The following TSPAN8 variants were observed in gnomAD, a reference collection of about 807,000 sequenced individuals.
The protein encoded by TSPAN8 is tetraspanin 8, also known as tetraspanin-8.
TSPAN8 carries 21 observed loss-of-function variants against 32.8 expected under a neutral mutation model. That is an observed-to-expected ratio of 0.64 (90% CI 0.45 to 0.92). The LOEUF is 0.92. Among genes scored for constraint, TSPAN8 ranks in the 40% least tolerant of loss-of-function variants. TSPAN8 has a pLI of 0.00. For synonymous variants in TSPAN8, 95 were observed against 94.6 expected (o/e 1.00, Z -0.03); for missense variants, 269 against 281.9 (o/e 0.95, Z 0.33).
At chr12:71,146,233 A>T (rs1453360357) in intron 2 of TSPAN8, among the ~76,000 whole-genome samples, 1 of 152,148 alleles carries the variant, frequency 6.6e-6, no homozygotes, top group Admixed American at 6.5e-5. Context: ...TATCATTTCC[A>T]CCCCTAACTC....
In TSPAN8 at chr12:71,144,205, A is replaced by G. The variant is rs747948153; in HGVS notation, c.69T>C (p.Gly23=). ...ATATTGCTAATGCTAGGATCAAGAT[A>G]CCACATAGCTGCAGAAAAAAACAAA... ...FTFNFLFWLC[G]ILILALAIWV... Residue 23 remains glycine, a synonymous_variant, in exon 3 of 9, where the codon GGT becomes GGC. Coordinates refer to ENST00000247829, the MANE Select transcript of TSPAN8 (RefSeq NM_004616.3). 6.2e-7 allele frequency: 1 copy of G among 1,611,240 alleles called. No individual in the cohort carries two copies. Among genetic ancestry groups the G allele is most frequent in the Non-Finnish European group, 8.5e-7 (1 of 1,179,264 alleles).
chr12:71,129,416 T>C lies in TSPAN8; in HGVS notation c.577-2A>G, dbSNP rs772915597. The C allele has an allele frequency of 3.9e-6, 6 of 1,544,076 alleles. No homozygotes were observed. In the African/African-American group the frequency reaches 8.8e-5, roughly 23 times the overall value. On this transcript the variant is annotated splice_acceptor_variant, in intron 7 of 8. Transcript: ENST00000247829. LOFTEE classifies it high-confidence loss of function. ...GTCTTTTATGAAAGAAATACAGGTC[T>C]GTTAAAAAAAAAAAACATTAAAAGT...
intron 2 of TSPAN8, among the ~76,000 whole-genome samples, chr12:71,146,569 A>C (rs1054958662): frequency 1.3e-5 from 2 of 152,218 alleles, no homozygotes; most frequent in Non-Finnish European, 2.9e-5. Context: ...ATTAATAAAT[A>C]AATGCCTGCT....
At chr12:71,127,890 CTTATA>C (rs1660422933) in intron 8 of TSPAN8, among the ~76,000 whole-genome samples, 1 of 152,134 alleles carries the variant, frequency 6.6e-6, no homozygotes, top group African/African-American at 2.4e-5. Flanking sequence ...AAATATAACT[CTTATA>C]TTAAATATCT....
At chr12:71,126,364 T>C (rs988199827) in intron 8 of TSPAN8, among the ~76,000 whole-genome samples, 5 of 152,234 alleles carry the variant, frequency 3.3e-5, no homozygotes, top group African/African-American at 1.2e-4. Context: ...TTTAGTCTTT[T>C]TGTCTTGATC....
chr12:71,147,703 C>A (rs936886787), intron 2 of TSPAN8, among the ~76,000 whole-genome samples: 1 of 152,156 alleles, frequency 6.6e-6, no homozygotes, highest in African/African-American at 2.4e-5. Context: ...TAAGAGAATG[C>A]AGACTGTAGG....
At chr12:71,144,286 T>A (rs952720534) in intron 2 of TSPAN8, 73 bp from the exon 3 acceptor site, 1 of 1,375,738 alleles carries the variant, frequency 7.3e-7, no homozygotes, top group African/African-American at 1.4e-5. Context: ...CACCCTCCTA[T>A]CTATCCGGTG....
intron 6 of TSPAN8, 61 bp from the exon 7 acceptor site, chr12:71,132,885 C>A: frequency 6.4e-7 from 1 of 1,572,392 alleles, no homozygotes; most frequent in Non-Finnish European, 8.7e-7. Flanking sequence ...ATTGGCAATA[C>A]ATTAAATTAT....
chr12:71,143,549 T>C (rs11178654), intron 3 of TSPAN8, among the ~76,000 whole-genome samples: 48,346 of 152,008 alleles, frequency 0.32, 8,544 homozygotes, highest in Non-Finnish European at 0.41. Flanking sequence ...CATATAGCAA[T>C]AATCTGGACA....
intron 7 of TSPAN8, among the ~76,000 whole-genome samples, chr12:71,132,385 A>G (rs1436438034): frequency 6.6e-6 from 1 of 152,206 alleles, no homozygotes; most frequent in Non-Finnish European, 1.5e-5. Flanking sequence ...ATAAAAGAGA[A>G]TAATGATTAA....
chr12:71,135,485 C>G (rs1379099156), intron 6 of TSPAN8, among the ~76,000 whole-genome samples: 5 of 111,186 alleles, frequency 4.5e-5, no homozygotes, highest in Non-Finnish European at 7.0e-5. Flanking sequence ...GAAGGGGAGG[C>G]GGAGGAGAAG....
intron 7 of TSPAN8, among the ~76,000 whole-genome samples, chr12:71,130,403 A>T (rs1871484424): frequency 6.6e-6 from 1 of 152,246 alleles, no homozygotes; most frequent in Non-Finnish European, 1.5e-5. Flanking sequence ...TTTGAAATGT[A>T]TACAATCCAG....
chr12:71,142,340 A>G (rs1372767582), intron 3 of TSPAN8, among the ~76,000 whole-genome samples: 1 of 152,196 alleles, frequency 6.6e-6, no homozygotes, highest in Non-Finnish European at 1.5e-5. Flanking sequence ...GTTCCCCTTT[A>G]ATACATTCAA....
intron 3 of TSPAN8, among the ~76,000 whole-genome samples, chr12:71,140,323 A>T (rs1448763990): frequency 6.6e-6 from 1 of 152,232 alleles, no homozygotes; most frequent in Non-Finnish European, 1.5e-5. Context: ...TAAATACTGT[A>T]TGATTCCATT....
At chr12:71,144,298 C>T (rs1163916209) in intron 2 of TSPAN8, 85 bp from the exon 3 acceptor site, 1 of 1,233,130 alleles carries the variant, frequency 8.1e-7, no homozygotes, top group Non-Finnish European at 1.1e-6. Flanking sequence ...TATCCGGTGA[C>T]AGTAGTTCAT....
At position 71,138,182 on chromosome 12, in the gene TSPAN8, T is replaced by C. The variant is rs1565785530; in HGVS notation, c.310A>G (p.Ile104Val). ...LILLLQVATGILGAVFKSKSD... is the reference protein window; with the variant it reads ...LILLLQVATGVLGAVFKSKSD... ...TTAGATTTGAAAACAGCTCCTAGGA[T>C]ACCTGTCGCCACCTGCAGGAGCAGG... Residue 104 changes from isoleucine to valine, a missense_variant, in exon 5 of 9, where the codon ATC becomes GTC. Transcript: ENST00000247829. The C allele has an allele frequency of 6.2e-7, 1 of 1,613,746 alleles. No individual in the cohort carries two copies.
At position 71,139,730 on chromosome 12, in the gene TSPAN8, CTT is replaced by C; in HGVS notation, c.240_241del (p.Arg82LeufsTer30). On this transcript the variant is annotated frameshift_variant, in exon 4 of 9. Transcript: ENST00000247829. LOFTEE classifies it high-confidence loss of function. Reference sequence around the variant, plus strand: ...ACTCACCAACAGAAGCATGCAGCGACTTTCTTTTATAGCACCGCAGCATCCCA... The same window carrying C: ...ACTCACCAACAGAAGCATGCAGCGACTCTTTTATAGCACCGCAGCATCCCA... 1 of 1,613,754 alleles carries C rather than the reference CTT, an allele frequency of 6.2e-7. No homozygotes were observed. Among genetic ancestry groups the C allele is most frequent in the South Asian group, 1.1e-5 (1 of 91,064 alleles).
At chr12:71,146,932 CT>C (rs1291131791) in intron 2 of TSPAN8, among the ~76,000 whole-genome samples, 1 of 152,072 alleles carries the variant, frequency 6.6e-6, no homozygotes, top group African/African-American at 2.4e-5. Flanking sequence ...GGGTTATAAT[CT>C]GATAGAACTG....
Position 71,140,834 on chromosome 12 carries a change from A to G in TSPAN8, c.124-986T>C, listed in dbSNP as rs570192777. 5.3e-5 allele frequency among the ~76,000 whole-genome samples: 8 copies of G among 152,316 alleles called. No individual in the cohort carries two copies. In the East Asian group the frequency reaches 1.3e-3, roughly 26 times the overall value. ...AGCCCATTTGCCTTCTATAACCTCT[A>G]TCTACTGGGCTGTCTCTAGATAGAG... is the stretch of plus-strand genomic sequence containing the variant. On this transcript the variant is annotated intron_variant, in intron 3 of 8. Transcript: ENST00000247829.
Sources: allele counts gnomAD v4.1 joint callset (sites outside exome capture counted in the v4.1 genomes callset), GRCh38; gene constraint gnomAD v4.1.1; transcripts MANE v1.5; gene names NCBI Gene and HGNC (gene_info 2026-07-23, HGNC 2026-07-21).